Variants in GALNT13 observed in about 807,000 individuals in gnomAD.
GALNT13 encodes polypeptide N-acetylgalactosaminyltransferase 13.
Under a neutral mutation model 64.2 loss-of-function variants are expected in GALNT13, and 28 were observed. That is an observed-to-expected ratio of 0.44 (90% CI 0.32 to 0.60). The LOEUF (loss-of-function observed/expected upper bound fraction) is 0.60. Ranked by LOEUF, GALNT13 falls within the 20% of genes least tolerant of loss-of-function variation. The pLI is 0.05. For synonymous variants in GALNT13, 214 were observed against 224.6 expected (o/e 0.95, Z 0.42); for missense variants, 577 against 669.8 (o/e 0.86, Z 1.53).
At chr2:153,612,114 C>T in the GALNT13 span, among the ~76,000 whole-genome samples, 1 of 152,076 alleles carries the variant, frequency 6.6e-6, no homozygotes, top group South Asian at 2.1e-4. Flanking sequence ...CATTGACGGG[C>T]ATTTGGGTTG....
At chr2:153,125,000 A>T in the GALNT13 span, among the ~76,000 whole-genome samples, 3 of 152,222 alleles carry the variant, frequency 2.0e-5, no homozygotes, top group East Asian at 5.8e-4. Flanking sequence ...TGCCCAAGTA[A>T]GATTGCCAGA....
chr2:153,732,275 T>C, the GALNT13 span, among the ~76,000 whole-genome samples: 1 of 152,032 alleles, frequency 6.6e-6, no homozygotes, highest in Non-Finnish European at 1.5e-5. Context: ...TGTTTCAGTG[T>C]CTTTTGAGTT....
the GALNT13 span, among the ~76,000 whole-genome samples, chr2:153,657,682 C>T: frequency 6.6e-6 from 1 of 152,096 alleles, no homozygotes; most frequent in Non-Finnish European, 1.5e-5. Context: ...CATTTTAGAA[C>T]AAAATAGCTC....
the GALNT13 span, among the ~76,000 whole-genome samples, chr2:153,521,711 C>G: frequency 2.0e-5 from 3 of 152,210 alleles, no homozygotes; most frequent in Admixed American, 1.3e-4. Context: ...CTCTCTCCCT[C>G]TACTCCTGGC....
At chr2:154,247,888 T>C (rs1689863724) in intron 7 of GALNT13, among the ~76,000 whole-genome samples, 2 of 152,112 alleles carry the variant, frequency 1.3e-5, no homozygotes, top group Non-Finnish European at 2.9e-5. Context: ...AATTAATTCA[T>C]GGGTTCGGTT....
intron 9 of GALNT13, among the ~76,000 whole-genome samples, chr2:154,379,606 T>A (rs1001151013): frequency 2.0e-5 from 3 of 152,084 alleles, no homozygotes; most frequent in Admixed American, 6.6e-5. Context: ...AACATACTGA[T>A]GTTTTAATAA....
intron 1 of GALNT13, among the ~76,000 whole-genome samples, chr2:153,875,111 C>CAT (rs66852005): frequency 0.2 from 29,311 of 150,038 alleles, 3,568 homozygotes; most frequent in Middle Eastern, 0.33. Context: ...CCTACTGCTT[C>CAT]ATATATATAT....
At chr2:154,225,153 A>AGAGAT (rs1688538088) in intron 4 of GALNT13, among the ~76,000 whole-genome samples, 12 of 115,006 alleles carry the variant, frequency 1.0e-4, no homozygotes, top group Non-Finnish European at 2.0e-4. Flanking sequence ...GATGACAGAT[A>AGAGAT]GATAGATGAT....
At chr2:153,610,517 A>G in the GALNT13 span, among the ~76,000 whole-genome samples, 1 of 152,120 alleles carries the variant, frequency 6.6e-6, no homozygotes, top group Non-Finnish European at 1.5e-5. Flanking sequence ...TCTACTAAAA[A>G]TACAAAAATT....
chr2:154,408,263 G>A (rs1223116208), intron 10 of GALNT13, among the ~76,000 whole-genome samples: 7 of 152,038 alleles, frequency 4.6e-5, no homozygotes, highest in Admixed American at 2.6e-4. Context: ...GCACAAATAT[G>A]TATTAACTTT....
At chr2:153,098,378 G>T in the GALNT13 span, among the ~76,000 whole-genome samples, 2 of 152,130 alleles carry the variant, frequency 1.3e-5, no homozygotes, top group Non-Finnish European at 2.9e-5. Flanking sequence ...AAAGTGAAAA[G>T]CCATGTTTGC....
chr2:153,818,343 G>C, the GALNT13 span, among the ~76,000 whole-genome samples: 22 of 152,154 alleles, frequency 1.4e-4, no homozygotes, highest in Admixed American at 2.6e-4. Context: ...ATCCCCAATA[G>C]AGGCCATAGC....
the GALNT13 span, among the ~76,000 whole-genome samples, chr2:153,244,857 C>A: frequency 6.6e-6 from 1 of 152,158 alleles, no homozygotes; most frequent in African/African-American, 2.4e-5. Flanking sequence ...TCCCATGGAG[C>A]CCAGCAAGCT....
chr2:153,873,528 T>G (rs1003355925), intron 1 of GALNT13, among the ~76,000 whole-genome samples: 6 of 152,156 alleles, frequency 3.9e-5, no homozygotes, highest in African/African-American at 1.4e-4. Context: ...TCAGGGAAAC[T>G]AACCTCGAAA....
chr2:154,215,924 G>A (rs938066732), intron 4 of GALNT13, among the ~76,000 whole-genome samples: 1 of 151,632 alleles, frequency 6.6e-6, no homozygotes, highest in Admixed American at 6.6e-5. Flanking sequence ...TCAAGTTTTA[G>A]GGAAAACGAA....
At chr2:153,258,078 G>T in the GALNT13 span, among the ~76,000 whole-genome samples, 1 of 152,216 alleles carries the variant, frequency 6.6e-6, no homozygotes, top group East Asian at 1.9e-4. Flanking sequence ...ACAAACCTAT[G>T]GCTGGACTCA....
chr2:153,584,187 C>A, the GALNT13 span, among the ~76,000 whole-genome samples: 3 of 152,162 alleles, frequency 2.0e-5, no homozygotes, highest in Non-Finnish European at 2.9e-5. Flanking sequence ...TTGCTCCTCA[C>A]CCAAGCATTT....
At chr2:153,185,953 T>C in the GALNT13 span, among the ~76,000 whole-genome samples, 1 of 152,052 alleles carries the variant, frequency 6.6e-6, no homozygotes, top group Non-Finnish European at 1.5e-5. Context: ...GGTTGGAGAG[T>C]TCTGTAGATA....
the GALNT13 span, among the ~76,000 whole-genome samples, chr2:153,332,963 A>G: frequency 1.3e-5 from 2 of 152,176 alleles, no homozygotes; most frequent in African/African-American, 2.4e-5. Flanking sequence ...CAGCTATAGC[A>G]GTTGTCTTCC....
Sources: gnomAD v4.1 joint callset for allele counts (sites outside exome capture counted in the v4.1 genomes callset) on GRCh38, gnomAD v4.1.1 for gene constraint, MANE v1.5 for transcripts, NCBI Gene and HGNC (gene_info 2026-07-23, HGNC 2026-07-21) for gene names.